The following NUBPL variants were observed in gnomAD, a reference collection of about 807,000 sequenced individuals.
NUBPL encodes NUBP iron-sulfur cluster assembly factor, mitochondrial, also known as iron-sulfur cluster transfer protein NUBPL.
In NUBPL, 31 loss-of-function variants were observed where a neutral mutation model predicts 45.7. The observed-to-expected ratio is 0.68, with a 90% confidence interval of 0.51 to 0.92. The LOEUF is 0.92. Among genes scored for constraint, NUBPL ranks in the 40% least tolerant of loss-of-function variants. The pLI, the probability that NUBPL is intolerant of heterozygous loss-of-function variation, is 0.00. For missense variants in NUBPL, 401 were observed against 398.7 expected (o/e 1.01, Z -0.05); for synonymous variants, 144 against 140.9 (o/e 1.02, Z -0.15).
At chr14:31,806,619 G>T (rs2039691780) in intron 7 of NUBPL, among the ~76,000 whole-genome samples, 1 of 151,792 alleles carries the variant, frequency 6.6e-6, no homozygotes, top group African/African-American at 2.4e-5. Flanking sequence ...TTATTTTTTT[G>T]AAGGATTTTT....
At chr14:31,598,870 A>G (rs1383157566) in intron 3 of NUBPL, among the ~76,000 whole-genome samples, 1 of 152,148 alleles carries the variant, frequency 6.6e-6, no homozygotes, top group East Asian at 1.9e-4. Context: ...GTGTTAGACA[A>G]GCTTTCCAAA....
intron 6 of NUBPL, among the ~76,000 whole-genome samples, chr14:31,715,995 AT>A (rs979437787): frequency 2.6e-5 from 4 of 151,200 alleles, no homozygotes; most frequent in African/African-American, 7.3e-5. Context: ...TTCTGTTAAA[AT>A]TTTTTTTTCT....
intron 6 of NUBPL, among the ~76,000 whole-genome samples, chr14:31,724,061 G>A (rs1049496074): frequency 6.6e-6 from 1 of 152,122 alleles, no homozygotes; most frequent in African/African-American, 2.4e-5. Context: ...TTCAATATGA[G>A]GTTGTCTAGG....
chr14:31,656,987 T>C (rs1422234914), intron 4 of NUBPL, among the ~76,000 whole-genome samples: 1 of 152,216 alleles, frequency 6.6e-6, no homozygotes, highest in African/African-American at 2.4e-5. Context: ...TTGTCTTATG[T>C]AGTAAGCCTT....
At chr14:31,845,990 T>C (rs778371083) in intron 8 of NUBPL, 23 of 179,916 alleles carry the variant, frequency 1.3e-4, no homozygotes, top group Non-Finnish European at 2.3e-4. Context: ...CTCAAATACA[T>C]GGATGGTATT....
chr14:31,790,775 T>C lies in NUBPL; in HGVS notation c.607+2902T>C, dbSNP rs139993163. On this transcript the variant is annotated intron_variant, in intron 7 of 10. Coordinates refer to ENST00000281081, the MANE Select transcript of NUBPL (RefSeq NM_025152.3). Reference sequence around the variant, plus strand: ...CTGAGACAGGAGAATGGCATGAAGCTGGGAGGTGGAGCTTGCAGTGAGCCG... The same window carrying C: ...CTGAGACAGGAGAATGGCATGAAGCCGGGAGGTGGAGCTTGCAGTGAGCCG... Among the ~76,000 whole-genome samples the C allele has an allele frequency of 8.9e-3, 1,350 of 151,968 alleles. 23 individuals carry two copies. The highest frequency in any genetic ancestry group is 0.031 in the African/African-American group (1,272 of 41,462).
At chr14:31,757,449 A>T (rs906054043) in intron 6 of NUBPL, among the ~76,000 whole-genome samples, 1 of 151,942 alleles carries the variant, frequency 6.6e-6, no homozygotes, top group African/African-American at 2.4e-5. Flanking sequence ...TATGTTGAGG[A>T]ATTTATCCAT....
At chr14:31,820,072 G>A (rs1217149651) in intron 7 of NUBPL, among the ~76,000 whole-genome samples, 1 of 150,010 alleles carries the variant, frequency 6.7e-6, no homozygotes, top group African/African-American at 2.5e-5. Context: ...CCCAGGAGGC[G>A]GAGCTTGCAG....
At chr14:31,662,443 A>G (rs1277250491) in intron 4 of NUBPL, among the ~76,000 whole-genome samples, 2 of 151,930 alleles carry the variant, frequency 1.3e-5, no homozygotes, top group Non-Finnish European at 2.9e-5. Flanking sequence ...GCTTTAGGTT[A>G]TCTATCCTAA....
chr14:31,598,409 T>C (rs890396700), intron 3 of NUBPL, among the ~76,000 whole-genome samples: 1 of 152,192 alleles, frequency 6.6e-6, no homozygotes, highest in Admixed American at 6.5e-5. Flanking sequence ...GTTGTAAGAC[T>C]TGATGAAACA....
intron 4 of NUBPL, among the ~76,000 whole-genome samples, chr14:31,630,250 A>G (rs958652001): frequency 6.6e-6 from 1 of 152,188 alleles, no homozygotes; most frequent in African/African-American, 2.4e-5. Context: ...TGTAACCTGT[A>G]CTATTACCTT....
chr14:31,668,767 C>T (rs1031885766), intron 4 of NUBPL, among the ~76,000 whole-genome samples: 2 of 152,194 alleles, frequency 1.3e-5, no homozygotes, highest in African/African-American at 4.8e-5. Context: ...GGCACAGTCC[C>T]TCAGGGCTTC....
At chr14:31,679,819 T>C (rs34950447) in intron 6 of NUBPL, among the ~76,000 whole-genome samples, 67,861 of 152,090 alleles carry the variant, frequency 0.45, 17,506 homozygotes, top group East Asian at 0.6. Context: ...ATTCAATATA[T>C]AGAACAATTT....
At chr14:31,785,426 A>G (rs1051503154) in intron 6 of NUBPL, among the ~76,000 whole-genome samples, 8 of 152,168 alleles carry the variant, frequency 5.3e-5, no homozygotes, top group Non-Finnish European at 1.0e-4. Context: ...TTAGATTCTC[A>G]TATGAGCACG....
intron 3 of NUBPL, among the ~76,000 whole-genome samples, chr14:31,584,654 G>A (rs1036306734): frequency 6.6e-6 from 1 of 152,108 alleles, no homozygotes; most frequent in Non-Finnish European, 1.5e-5. Flanking sequence ...TCTACTTTCT[G>A]TCTCTATAGA....
chr14:31,641,466 A>C (rs1474317712), intron 4 of NUBPL, among the ~76,000 whole-genome samples: 1 of 152,174 alleles, frequency 6.6e-6, no homozygotes, highest in Non-Finnish European at 1.5e-5. Flanking sequence ...CACTTAATGT[A>C]ATGACCTCCA....
chr14:31,835,910 A>T (rs187431477), intron 8 of NUBPL, among the ~76,000 whole-genome samples: 3 of 152,298 alleles, frequency 2.0e-5, no homozygotes, highest in Admixed American at 6.5e-5. Context: ...TTTCCTCCTC[A>T]CTTTTTCTTA....
chr14:31,621,406 T>C (rs1463506083), intron 4 of NUBPL, among the ~76,000 whole-genome samples: 1 of 152,132 alleles, frequency 6.6e-6, no homozygotes, highest in Non-Finnish European at 1.5e-5. Context: ...CCCAGGGCCC[T>C]GGTGGCATAC....
chr14:31,691,106 T>C (rs1490390483), intron 6 of NUBPL, among the ~76,000 whole-genome samples: 1 of 152,084 alleles, frequency 6.6e-6, no homozygotes, highest in Non-Finnish European at 1.5e-5. Flanking sequence ...ACACTAATAC[T>C]GAGCCCCCTA....
Sources: gnomAD v4.1 joint callset for allele counts (sites outside exome capture counted in the v4.1 genomes callset) on GRCh38, gnomAD v4.1.1 for gene constraint, MANE v1.5 for transcripts, NCBI Gene and HGNC (gene_info 2026-07-23, HGNC 2026-07-21) for gene names.